Variants in PCBP3 observed in about 807,000 individuals in gnomAD.
The protein encoded by PCBP3 is poly(rC) binding protein 3, also known as poly(rC)-binding protein 3.
Under a neutral mutation model 52.7 loss-of-function variants are expected in PCBP3, and 25 were observed. The observed-to-expected ratio is 0.47, with a 90% CI of 0.35 to 0.66. The LOEUF (loss-of-function observed/expected upper bound fraction) is 0.66, where lower values mean the gene tolerates loss of function less well. Ranked by LOEUF, PCBP3 falls within the 30% of genes least tolerant of loss-of-function variation. The pLI is 0.01. For synonymous variants in PCBP3, 162 were observed against 183.0 expected (o/e 0.89, Z 0.93); for missense variants, 391 against 490.3 (o/e 0.80, Z 1.91).
At chr21:45,718,894 CA>C (rs1055435894) in intron 2 of PCBP3, among the ~76,000 whole-genome samples, 24 of 152,240 alleles carry the variant, frequency 1.6e-4, no homozygotes, top group African/African-American at 5.5e-4. Flanking sequence ...CTAAATGTCA[CA>C]AGGGGATAAA....
intron 4 of PCBP3, among the ~76,000 whole-genome samples, chr21:45,831,601 C>T (rs1256029794): frequency 6.6e-6 from 1 of 152,090 alleles, no homozygotes; most frequent in African/African-American, 2.4e-5. Context: ...GAAAGCACTG[C>T]ACTGGTCATG....
chr21:45,691,437 C>A (rs58368336), intron 2 of PCBP3, among the ~76,000 whole-genome samples: 29,499 of 129,336 alleles, frequency 0.23, 3,372 homozygotes, highest in African/African-American at 0.34. Flanking sequence ...ATATATATAT[C>A]ATATATATGT....
intron 4 of PCBP3, among the ~76,000 whole-genome samples, chr21:45,778,106 T>C (rs1210911812): frequency 6.6e-6 from 1 of 152,162 alleles, no homozygotes; most frequent in Non-Finnish European, 1.5e-5. Context: ...GATGAATCTG[T>C]CATGTTGGTT....
rs950202912 is a variant in PCBP3, at chr21:45,928,533, C to T, written c.718-1384C>T. On this transcript the variant is annotated intron_variant, in intron 13 of 17. Transcript: ENST00000681687. This position sits in a 1 kb window ranked among gnomAD's most constrained non-coding sequence, Gnocchi z 4.1. ...ACCCAGGAGCACACAGCTGGGAAGG[C>T]GCTGGGACCACAGTCGCCGCATTCC... Among the ~76,000 whole-genome samples the T allele has an allele frequency of 3.9e-5, 6 of 152,304 alleles. No individual in the cohort carries two copies. The highest frequency in any genetic ancestry group is 2.1e-4 in the South Asian group (1 of 4,826).
At chr21:45,703,226 A>T (rs1381511734) in intron 2 of PCBP3, among the ~76,000 whole-genome samples, 3 of 152,246 alleles carry the variant, frequency 2.0e-5, no homozygotes, top group African/African-American at 4.8e-5. Flanking sequence ...ATGAGTCACA[A>T]ATGTTCTTAA....
chr21:45,710,183 A>G (rs945593563), intron 2 of PCBP3, among the ~76,000 whole-genome samples: 1 of 152,168 alleles, frequency 6.6e-6, no homozygotes, highest in African/African-American at 2.4e-5. Flanking sequence ...TTTAAGTTTT[A>G]GGGTACCTGT....
chr21:45,841,666 G>A (rs2148006277), intron 4 of PCBP3, among the ~76,000 whole-genome samples: 1 of 152,250 alleles, frequency 6.6e-6, no homozygotes, highest in East Asian at 1.9e-4. Context: ...TTTTGGTAGT[G>A]TTCTCATACG....
rs559660511 is a variant in PCBP3 at position 45,938,431 on chromosome 21, G to A, written c.910-1599G>A. On this transcript the variant is annotated intron_variant, in intron 16 of 17. Transcript: ENST00000681687. Reference sequence around the variant, plus strand: ...TATGTTCCCCCTCCCCATGCGGGCCGTGCTGCTGTCCCTGGCCCCCATCAG... The same window carrying A: ...TATGTTCCCCCTCCCCATGCGGGCCATGCTGCTGTCCCTGGCCCCCATCAG... 3.7e-3 allele frequency among the ~76,000 whole-genome samples: 565 copies of A among 152,334 alleles called. 3 individuals are homozygous for A. The highest frequency in any genetic ancestry group is 0.013 in the African/African-American group (532 of 41,582).
intron 5 of PCBP3, among the ~76,000 whole-genome samples, chr21:45,862,672 C>G (rs116478890): frequency 0.019 from 2,878 of 152,340 alleles, 96 homozygotes; most frequent in African/African-American, 0.066. Context: ...ACACCACACA[C>G]TGTCTCTGTG....
chr21:45,712,172 C>T (rs759808126), intron 2 of PCBP3, among the ~76,000 whole-genome samples: 1 of 152,166 alleles, frequency 6.6e-6, no homozygotes, highest in Non-Finnish European at 1.5e-5. Context: ...TTGGTTGCTT[C>T]CAGTTTTTGG....
intron 5 of PCBP3, among the ~76,000 whole-genome samples, chr21:45,879,194 G>A (rs183330258): frequency 3.2e-4 from 48 of 152,124 alleles, no homozygotes; most frequent in East Asian, 2.3e-3. Flanking sequence ...TGTGTTGCCC[G>A]GGCTGGTCCT....
At chr21:45,867,684 C>T (rs2094801120) in intron 5 of PCBP3, among the ~76,000 whole-genome samples, 1 of 152,278 alleles carries the variant, frequency 6.6e-6, no homozygotes, top group Admixed American at 6.5e-5. Flanking sequence ...GCTCTGGGGG[C>T]TGCGCCCATC....
intron 4 of PCBP3, among the ~76,000 whole-genome samples, chr21:45,781,130 C>T (rs535139990): frequency 9.8e-4 from 149 of 152,206 alleles, no homozygotes; most frequent in African/African-American, 3.5e-3. Context: ...GATGACCAAG[C>T]CCTGCTCCTG....
chr21:45,715,534 T>C (rs1247120145), intron 2 of PCBP3, among the ~76,000 whole-genome samples: 4 of 152,202 alleles, frequency 2.6e-5, no homozygotes, highest in African/African-American at 4.8e-5. Context: ...TTTCCTTCCC[T>C]GAGAAATGGG....
At chr21:45,752,961 G>C (rs1300638979) in intron 3 of PCBP3, 3 of 98,388 alleles carry the variant, frequency 3.0e-5, no homozygotes, top group African/African-American at 1.3e-4. Context: ...TAGCAACCCT[G>C]TCTCTCCAAA....
intron 5 of PCBP3, among the ~76,000 whole-genome samples, chr21:45,868,244 T>C (rs575155102): frequency 6.6e-6 from 1 of 152,282 alleles, no homozygotes; most frequent in African/African-American, 2.4e-5. Flanking sequence ...CAGGGGCACC[T>C]CCCGGTGTGG....
chr21:45,844,912 T>C lies in PCBP3; in HGVS notation c.-125-5049T>C, dbSNP rs182460326. Among the ~76,000 whole-genome samples the C allele has an allele frequency of 5.3e-3, 794 of 149,726 alleles. 8 individuals carry two copies. Among genetic ancestry groups the C allele is most frequent in the South Asian group, 0.012 (59 of 4,790 alleles). On this transcript the variant is annotated intron_variant, in intron 4 of 17. Coordinates refer to ENST00000681687, the MANE Select transcript of PCBP3 (RefSeq NM_001384156.1). Reference sequence around the variant, plus strand: ...GTATATAAAGTTTATATATATGCTTTATTTATATATATAGTTTACATATAT... The same window carrying C: ...GTATATAAAGTTTATATATATGCTTCATTTATATATATAGTTTACATATAT...
intron 2 of PCBP3, among the ~76,000 whole-genome samples, chr21:45,726,720 C>T (rs997639645): frequency 4.6e-5 from 7 of 152,212 alleles, no homozygotes; most frequent in African/African-American, 1.7e-4. Context: ...AGGACAGTGA[C>T]CCGCGTGTGG....
chr21:45,908,722 A>G (rs1278470811), intron 9 of PCBP3, among the ~76,000 whole-genome samples: 1 of 152,180 alleles, frequency 6.6e-6, no homozygotes, highest in Non-Finnish European at 1.5e-5. Flanking sequence ...TGCGGCTGAC[A>G]GAAGCCCTGT....
Sources: allele counts gnomAD v4.1 joint callset (sites outside exome capture counted in the v4.1 genomes callset), GRCh38; gene constraint gnomAD v4.1.1; non-coding constraint Gnocchi (gnomAD v3.1); transcripts MANE v1.5; gene names NCBI Gene and HGNC (gene_info 2026-07-23, HGNC 2026-07-21).